Variants in FAM107A observed in about 807,000 individuals in gnomAD.
The protein encoded by FAM107A is family with sequence similarity 107 member A.
Under a neutral mutation model 13.7 loss-of-function variants are expected in FAM107A, and 19 were observed. The observed-to-expected ratio is 1.38, with a 90% CI of 0.97 to 2.03. The LOEUF (loss-of-function observed/expected upper bound fraction) is 2.03. FAM107A is among the 30% of genes most tolerant of loss of function. The pLI, the probability that FAM107A is intolerant of heterozygous loss-of-function variation, is 0.00. For missense variants in FAM107A, 203 were observed against 184.4 expected (o/e 1.10, Z -0.58); for synonymous variants, 82 against 74.5 (o/e 1.10, Z -0.52).
Position 58,577,022 on chromosome 3 carries a change from A to C in FAM107A, c.-6+287T>G, listed in dbSNP as rs900091964. ...TTAGGTGAGGCTATATCATGCATTA[A>C]TTCAGATTCACCTGAGGATGCAGCA... On this transcript the variant is annotated intron_variant, in intron 1 of 3. Transcript: ENST00000360997. The surrounding 1 kb of genome is among the most constrained non-coding windows in gnomAD (Gnocchi z 4.9). Among the ~76,000 whole-genome samples, 1 of 152,216 alleles carries C rather than the reference A, an allele frequency of 6.6e-6. No homozygotes were observed. Among genetic ancestry groups the C allele is most frequent in the Non-Finnish European group, 1.5e-5 (1 of 68,036 alleles).
chr3:58,615,222 TTTTTATTCTTTAATTTTGGTTCTTA>T (rs1486762229), intron 1 of FAM107A, among the ~76,000 whole-genome samples: 1 of 152,248 alleles, frequency 6.6e-6, no homozygotes, highest in East Asian at 1.9e-4. Context: ...ATATCATGTA[TTTTTATTCTTTAATTTTGGTTCTTA>T]TTTTAATTTT....
chr3:58,593,516 C>G lies in FAM107A; in HGVS notation c.-69-4247G>C, dbSNP rs59155061. The stretch of plus-strand genomic sequence containing the variant: ...CTCAAACAACCACCCTTAAGTCTCT[C>G]TTGAAGCGGATAGAAGATCTTCAGT... On this transcript the variant is annotated intron_variant, in intron 1 of 3. Transcript: ENST00000465970. Among the ~76,000 whole-genome samples, 1,208 of 152,264 alleles carry G rather than the reference C, an allele frequency of 7.9e-3. 14 individuals carry two copies. The highest frequency in any genetic ancestry group is 0.028 in the African/African-American group (1,146 of 41,552).
chr3:58,580,244 G>T (rs976167167), upstream of FAM107A, among the ~76,000 whole-genome samples: 3 of 151,564 alleles, frequency 2.0e-5, no homozygotes, highest in African/African-American at 7.3e-5. Flanking sequence ...AGATAAAAAA[G>T]TTGGTATATG....
chr3:58,601,582 T>G (rs993854605), intron 1 of FAM107A, among the ~76,000 whole-genome samples: 1 of 152,216 alleles, frequency 6.6e-6, no homozygotes, highest in Admixed American at 6.5e-5. Flanking sequence ...TTTGCTGTTA[T>G]GAGGAAGGTT....
chr3:58,589,997 T>A (rs901160204), upstream of FAM107A, among the ~76,000 whole-genome samples: 2 of 152,242 alleles, frequency 1.3e-5, no homozygotes, highest in African/African-American at 4.8e-5. Context: ...GCTTGGTCCT[T>A]AGGGCCAGTT....
intron 1 of FAM107A, among the ~76,000 whole-genome samples, chr3:58,571,718 T>A (rs945557202): frequency 3.3e-5 from 5 of 152,210 alleles, no homozygotes; most frequent in African/African-American, 4.8e-5. Context: ...ATTCCTATTG[T>A]CAAGTGTCGC....
chr3:58,582,957 C>T, intron 1 of FAM107A, among the ~76,000 whole-genome samples: 1 of 152,134 alleles, frequency 6.6e-6, no homozygotes, highest in Non-Finnish European at 1.5e-5. Context: ...TGCCATCACG[C>T]CTAGCTAATT....
At chr3:58,568,085 A>T (rs915694481) in intron 2 of FAM107A, among the ~76,000 whole-genome samples, 1 of 149,318 alleles carries the variant, frequency 6.7e-6, no homozygotes, top group Non-Finnish European at 1.5e-5. Context: ...TACAGGTGTG[A>T]GCCACCATGT....
At chr3:58,605,483 G>A (rs2065785849) in intron 1 of FAM107A, among the ~76,000 whole-genome samples, 1 of 152,192 alleles carries the variant, frequency 6.6e-6, no homozygotes, top group Admixed American at 6.5e-5. Flanking sequence ...GGACTACCAT[G>A]TTCTGTTTGG....
At chr3:58,606,228 TG>T (rs1333207870) in intron 1 of FAM107A, among the ~76,000 whole-genome samples, 9 of 152,208 alleles carry the variant, frequency 5.9e-5, no homozygotes, top group African/African-American at 2.2e-4. Flanking sequence ...CCCAAGTAGC[TG>T]GGATTACAAG....
chr3:58,602,190 A>T lies in FAM107A; in HGVS notation c.-69-12921T>A, dbSNP rs553806785. 3.3e-5 allele frequency among the ~76,000 whole-genome samples: 5 copies of T among 152,328 alleles called. No homozygotes were observed. In the East Asian group the frequency reaches 9.6e-4, roughly 29 times the overall value. The stretch of plus-strand genomic sequence containing the variant: ...GGGCAGTTCTCAGCAGGTGAAATCC[A>T]AACGGTCCACAAACGTAAGAAAGAT... On this transcript the variant is annotated intron_variant, in intron 1 of 3. Transcript: ENST00000465970.
At chr3:58,583,626 A>C (rs2065571730) in intron 1 of FAM107A, among the ~76,000 whole-genome samples, 1 of 152,120 alleles carries the variant, frequency 6.6e-6, no homozygotes, top group Admixed American at 6.5e-5. Context: ...CTGTCAAAAA[A>C]AAAAAAAATT....
At position 58,566,144 on chromosome 3, in the gene FAM107A, G is replaced by C. The variant is rs2063618230; in HGVS notation, c.*444C>G. 1 of 155,478 alleles carries C rather than the reference G, an allele frequency of 6.4e-6. No individual in the cohort carries two copies. The highest frequency in any genetic ancestry group is 2.4e-5 in the African/African-American group (1 of 41,566). 9.6% of individuals were successfully genotyped at this position (155,478 alleles called of 1,614,324 possible). On this transcript the variant is annotated 3_prime_UTR_variant, in exon 4 of 4. Coordinates refer to ENST00000360997, the MANE Select transcript of FAM107A (RefSeq NM_001076778.3). ...GGTGTCCTTGAAGCTAAGCTCTGCT[G>C]GCTGCAGGTAAAACCACAGGTGGGG... is the stretch of plus-strand genomic sequence containing the variant.
At chr3:58,627,028 C>A in intron 1 of FAM107A, 1 of 1,535,584 alleles carries the variant, frequency 6.5e-7, no homozygotes, top group Non-Finnish European at 8.7e-7. Flanking sequence ...GGGTGGGCTG[C>A]AGGGGCCAGG....
chr3:58,609,630 C>T (rs971464619), intron 1 of FAM107A, among the ~76,000 whole-genome samples: 2 of 152,214 alleles, frequency 1.3e-5, no homozygotes, highest in Non-Finnish European at 1.5e-5. Flanking sequence ...GAAGGTTTCC[C>T]CCAACATCTC....
At chr3:58,624,413 C>T (rs1191691090) in intron 1 of FAM107A, among the ~76,000 whole-genome samples, 1 of 152,250 alleles carries the variant, frequency 6.6e-6, no homozygotes, top group African/African-American at 2.4e-5. Flanking sequence ...TGTGTTTTGA[C>T]TCCTGGCCCA....
intron 1 of FAM107A, among the ~76,000 whole-genome samples, chr3:58,622,719 G>A (rs2065968167): frequency 6.6e-6 from 1 of 152,172 alleles, no homozygotes; most frequent in African/African-American, 2.4e-5. Flanking sequence ...AGGTGGAGAG[G>A]CTGGAATGAT....
In FAM107A at chr3:58,604,313, G is replaced by A. The variant is rs1004899656; in HGVS notation, c.-69-15044C>T. ...TCGTGCTCCCTCCAGAGCATTAAAC[G>A]CAGATCCAATTCCTTCTCCAACCGG... is the stretch of plus-strand genomic sequence containing the variant. On this transcript the variant is annotated intron_variant, in intron 1 of 3. Coordinates refer to the FAM107A transcript ENST00000465970. This position sits in a 1 kb window ranked among gnomAD's most constrained non-coding sequence, Gnocchi z 4.1. Among the ~76,000 whole-genome samples, 2 of 152,146 alleles carry A rather than the reference G, an allele frequency of 1.3e-5. No homozygotes were observed. The highest frequency in any genetic ancestry group is 2.1e-4 in the South Asian group (1 of 4,810).
At chr3:58,627,133 G>A (rs558476749) in intron 1 of FAM107A, 3 of 798,454 alleles carry the variant, frequency 3.8e-6, no homozygotes, top group Non-Finnish European at 6.1e-6. Context: ...CATTCTCCCA[G>A]GCACAAAGGC....
Sources: gnomAD v4.1 joint callset for allele counts (sites outside exome capture counted in the v4.1 genomes callset) on GRCh38, gnomAD v4.1.1 for gene constraint, Gnocchi (gnomAD v3.1) non-coding constraint, MANE v1.5 for transcripts, NCBI Gene and HGNC (gene_info 2026-07-23, HGNC 2026-07-21) for gene names.